CCDC6: variants seen among roughly 807,000 people sequenced by gnomAD.
CCDC6 encodes coiled-coil domain-containing protein 6.
CCDC6 carries 20 observed loss-of-function variants against 56.6 expected under a neutral mutation model. The observed-to-expected ratio is 0.35, with a 90% confidence interval of 0.25 to 0.51. The LOEUF (loss-of-function observed/expected upper bound fraction) is 0.51. CCDC6 is among the 20% of genes least tolerant of loss of function. The pLI, the probability that CCDC6 is intolerant of heterozygous loss-of-function variation, is 0.95. For synonymous variants in CCDC6, 241 were observed against 234.4 expected, an observed-to-expected ratio of 1.03 and a Z score of -0.26; for missense variants, 367 against 601.1, an observed-to-expected ratio of 0.61 and a Z score of 4.07.
intron 7 of CCDC6, among the ~76,000 whole-genome samples, chr10:59,795,630 C>G: frequency 8.7e-6 from 1 of 115,024 alleles, no homozygotes; most frequent in East Asian, 3.1e-4. Context: ...CCCCTCCCCC[C>G]ACCCCACAAC....
chr10:59,897,330 C>T (rs1159305360), intron 1 of CCDC6, among the ~76,000 whole-genome samples: 3 of 151,878 alleles, frequency 2.0e-5, no homozygotes, highest in East Asian at 1.9e-4. Context: ...CTCGGCTCAC[C>T]GCAACCTCCA....
chr10:59,837,782 A>AAGCAGC (rs796749928), intron 2 of CCDC6, among the ~76,000 whole-genome samples: 1 of 141,328 alleles, frequency 7.1e-6, no homozygotes, highest in African/African-American at 2.7e-5. Flanking sequence ...AAAGAAGAAG[A>AAGCAGC]AGCTTGAGAG....
rs370071074 is a variant in CCDC6 at position 59,794,516 on chromosome 10, G to A, written c.1187C>T (p.Pro396Leu). The A allele has an allele frequency of 1.4e-5, 22 of 1,613,784 alleles. No individual in the cohort carries two copies. Among genetic ancestry groups the A allele is most frequent in the East Asian group, 2.2e-5 (1 of 44,876 alleles). ...TCCCATGTGCTGCACGTGAAGACCCGGGGAATTGTAATAAGACATTCCAGC... is the reference window on the plus strand; with the variant it reads ...TCCCATGTGCTGCACGTGAAGACCCAGGGAATTGTAATAAGACATTCCAGC... ...TRAGMSYYNS[P>L]GLHVQHMGTS... The change falls in exon 8 of 9, where the codon CCG (proline) becomes CTG (leucine). Residue 396 changes from proline (P) to leucine (L), a missense_variant. Around this residue, in one of 7 missense-constraint regions of CCDC6, gnomAD observed 79 missense variants for 83.9 expected, o/e 0.94. Transcript: ENST00000263102.
At chr10:59,818,494 A>ACGG (rs1169339992) in intron 3 of CCDC6, among the ~76,000 whole-genome samples, 2 of 59,394 alleles carry the variant, frequency 3.4e-5, no homozygotes, top group African/African-American at 2.7e-4. Flanking sequence ...TATAATGTTG[A>ACGG]CGGGGGGGGG....
At chr10:59,881,188 A>T (rs1296683927) in intron 1 of CCDC6, among the ~76,000 whole-genome samples, 1 of 152,120 alleles carries the variant, frequency 6.6e-6, no homozygotes, top group Non-Finnish European at 1.5e-5. Context: ...ATTATCACAG[A>T]TGTCACCACT....
At chr10:59,802,147 C>T (rs2070581532) in intron 7 of CCDC6, among the ~76,000 whole-genome samples, 1 of 152,162 alleles carries the variant, frequency 6.6e-6, no homozygotes, top group South Asian at 2.1e-4. Context: ...AAAGATAACA[C>T]TCTTCCTATA....
intron 3 of CCDC6, among the ~76,000 whole-genome samples, chr10:59,831,226 G>A (rs140215628): frequency 2.0e-4 from 30 of 152,282 alleles, no homozygotes; most frequent in African/African-American, 6.7e-4. Flanking sequence ...GAAATTACTC[G>A]AGATGTATAA....
chr10:59,882,094 G>A (rs1239486728), intron 1 of CCDC6, among the ~76,000 whole-genome samples: 316 of 15,112 alleles, frequency 0.021, no homozygotes, highest in African/African-American at 0.066. Flanking sequence ...AAGGAAAGCC[G>A]GGGGGAGAAG....
intron 2 of CCDC6, among the ~76,000 whole-genome samples, chr10:59,850,456 A>G (rs967649719): frequency 3.9e-5 from 6 of 152,186 alleles, no homozygotes; most frequent in African/African-American, 1.4e-4. Context: ...CTACAAGTTG[A>G]ATCACCAACA....
At chr10:59,812,850 A>G (rs2070683904) in intron 4 of CCDC6, 55 bp from the exon 5 acceptor site, 2 of 1,329,294 alleles carry the variant, frequency 1.5e-6, no homozygotes, top group Admixed American at 3.8e-5. Flanking sequence ...TGAAAAGACA[A>G]AACAACATAC....
intron 2 of CCDC6, among the ~76,000 whole-genome samples, chr10:59,850,569 A>G (rs2071030126): frequency 6.6e-6 from 1 of 152,180 alleles, no homozygotes; most frequent in African/African-American, 2.4e-5. Flanking sequence ...TGCCCGCGTG[A>G]AGGCTAGGGC....
intron 2 of CCDC6, among the ~76,000 whole-genome samples, chr10:59,839,222 T>C (rs1182370625): frequency 6.6e-6 from 1 of 152,222 alleles, no homozygotes; most frequent in East Asian, 1.9e-4. Context: ...ACTGAGGTCC[T>C]TGGCTTCAAA....
intron 1 of CCDC6, among the ~76,000 whole-genome samples, chr10:59,853,873 A>G (rs1403710310): frequency 6.6e-6 from 1 of 152,186 alleles, no homozygotes; most frequent in Non-Finnish European, 1.5e-5. Flanking sequence ...TCCCTGAAAA[A>G]AATGTTTTAA....
chr10:59,819,833 G>A (rs1395659836), intron 3 of CCDC6, among the ~76,000 whole-genome samples: 2 of 152,108 alleles, frequency 1.3e-5, no homozygotes, highest in Non-Finnish European at 2.9e-5. Context: ...CCCGTACTGT[G>A]ATTATTCTGC....
intron 1 of CCDC6, among the ~76,000 whole-genome samples, chr10:59,855,307 C>G (rs1222295246): frequency 6.6e-6 from 1 of 152,190 alleles, no homozygotes; most frequent in African/African-American, 2.4e-5. Flanking sequence ...GTGGCTCATG[C>G]CCGTAATCCC....
intron 3 of CCDC6, among the ~76,000 whole-genome samples, chr10:59,825,271 T>A (rs961980651): frequency 1.3e-5 from 2 of 152,226 alleles, no homozygotes; most frequent in African/African-American, 4.8e-5. Flanking sequence ...GTTCTTGTGG[T>A]AGTGAATAAG....
At chr10:59,839,865 C>T (rs191278672) in intron 2 of CCDC6, among the ~76,000 whole-genome samples, 6 of 152,236 alleles carry the variant, frequency 3.9e-5, no homozygotes, top group African/African-American at 1.2e-4. Context: ...CTCACTCTGT[C>T]GCCAGGCTGT....
chr10:59,861,398 T>C (rs190076438), intron 1 of CCDC6, among the ~76,000 whole-genome samples: 2 of 115,066 alleles, frequency 1.7e-5, no homozygotes, highest in African/African-American at 6.9e-5. Context: ...ACTGGTCTTC[T>C]ACACACAATG....
chr10:59,812,213 C>T (rs892340274), intron 5 of CCDC6, among the ~76,000 whole-genome samples: 1 of 152,092 alleles, frequency 6.6e-6, no homozygotes, highest in Non-Finnish European at 1.5e-5. Context: ...AAAGCATTTA[C>T]TCTTCAAATA....
Sources: allele counts gnomAD v4.1 joint callset (sites outside exome capture counted in the v4.1 genomes callset), GRCh38; gene constraint gnomAD v4.1.1; regional missense constraint gnomAD v4.1.1; transcripts MANE v1.5; gene names NCBI Gene and HGNC (gene_info 2026-07-23, HGNC 2026-07-21).